Variants in FAM161A observed in about 807,000 individuals in gnomAD.
The protein encoded by FAM161A is protein FAM161A.
Under a neutral mutation model 70.9 loss-of-function variants are expected in FAM161A, and 57 were observed. That is an observed-to-expected ratio of 0.80 (90% CI 0.65 to 1.00). The LOEUF (loss-of-function observed/expected upper bound fraction) is 1.00, where lower values mean the gene tolerates loss of function less well. Ranked by LOEUF, FAM161A falls within the 50% of genes least tolerant of loss-of-function variation. The probability of loss-of-function intolerance (pLI) is 0.00; values close to 1 mark genes in which losing one functional copy is unlikely to be tolerated. For synonymous variants in FAM161A, 299 were observed against 295.7 expected, an observed-to-expected ratio of 1.01 and a Z score of -0.12; for missense variants, 880 against 836.0, an observed-to-expected ratio of 1.05 and a Z score of -0.65.
Position 61,839,490 on chromosome 2 carries a change from T to C in FAM161A, c.1514A>G (p.Asn505Ser), listed in dbSNP as rs541823159. The C allele has an allele frequency of 4.3e-6, 7 of 1,614,128 alleles. 1 individual carries two copies. The African/African-American group carries it at 8.0e-5, about 18-fold the overall frequency. The change falls in exon 3 of 7, where the codon AAC (asparagine) becomes AGC (serine). Residue 505 changes from asparagine (N) to serine (S), a missense_variant. By Grantham distance (46) the Asn-to-Ser change is conservative. Transcript: ENST00000404929. ...AGGGTTGCAGTTACAAGGCACAGGGTTTACACCTGCACATCTTACTGGTGA... is the reference window on the plus strand; with the variant it reads ...AGGGTTGCAGTTACAAGGCACAGGGCTTACACCTGCACATCTTACTGGTGA... Reference protein sequence around the residue: ...RKSPVRCAGVNPVPCNCNPPV... With the variant: ...RKSPVRCAGVSPVPCNCNPPV...
chr2:61,840,055 C>A lies in FAM161A; in HGVS notation c.949G>T (p.Ala317Ser), dbSNP rs774677899. Residue 317 changes from alanine to serine, a missense_variant, in exon 3 of 7, where the codon GCT becomes TCT. Physicochemically the swap from Ala to Ser is moderately conservative, Grantham distance 99. Transcript: ENST00000404929. Reference protein sequence around the residue: ...RRSLKEKSKEALLASQKPFKF... With the variant: ...RRSLKEKSKESLLASQKPFKF... Reference sequence around the variant, plus strand: ...AATGGCTTTTGTGAGGCCAAAAGAGCTTCTTTGCTTTTCTCCTTCAGAGAC... The same window carrying A: ...AATGGCTTTTGTGAGGCCAAAAGAGATTCTTTGCTTTTCTCCTTCAGAGAC... 6.2e-7 allele frequency: 1 copy of A among 1,614,184 alleles called. No homozygotes were observed. Among genetic ancestry groups the A allele is most frequent in the South Asian group, 1.1e-5 (1 of 91,084 alleles).
At chr2:61,851,402 TCTCAGCTCACTGCAAC>T (rs765869224) in intron 1 of FAM161A, among the ~76,000 whole-genome samples, 2 of 152,182 alleles carry the variant, frequency 1.3e-5, no homozygotes, top group Non-Finnish European at 2.9e-5. Flanking sequence ...AGTTTTTGCA[TCTCAGCTCACTGCAAC>T]CTCCGCCTCC....
At chr2:61,800,719 A>AC in the FAM161A span, among the ~76,000 whole-genome samples, 1 of 152,214 alleles carries the variant, frequency 6.6e-6, no homozygotes, top group Non-Finnish European at 1.5e-5. Context: ...AGTAAATACA[A>AC]TGGGAAAATG....
At chr2:61,843,138 TTTTGTTTG>T (rs138005103) in intron 1 of FAM161A, among the ~76,000 whole-genome samples, 175 of 151,746 alleles carry the variant, frequency 1.2e-3, no homozygotes, top group Non-Finnish European at 1.9e-3. Context: ...CTTTCAGTTT[TTTTGTTTG>T]TTTGTTTGTT....
chr2:61,843,013 AC>A (rs1490489982), intron 1 of FAM161A, among the ~76,000 whole-genome samples: 1 of 152,204 alleles, frequency 6.6e-6, no homozygotes, highest in East Asian at 1.9e-4. Context: ...CCCATGGGTG[AC>A]CGGGACTTTA....
At chr2:61,833,812 T>C (rs934206907) in intron 5 of FAM161A, among the ~76,000 whole-genome samples, 4 of 152,068 alleles carry the variant, frequency 2.6e-5, no homozygotes, top group Non-Finnish European at 5.9e-5. Flanking sequence ...GGAGGATCAC[T>C]TGAGGCCAGG....
the FAM161A span, among the ~76,000 whole-genome samples, chr2:61,805,831 G>A: frequency 1.3e-5 from 2 of 151,978 alleles, no homozygotes; most frequent in African/African-American, 4.8e-5. Context: ...TTTATTGCTA[G>A]GTTTTTTTTT....
At chr2:61,814,014 T>G in the FAM161A span, among the ~76,000 whole-genome samples, 10 of 152,196 alleles carry the variant, frequency 6.6e-5, no homozygotes, top group Admixed American at 6.5e-4. Context: ...GCTGCCACTC[T>G]CAGAGTGAGG....
the FAM161A span, among the ~76,000 whole-genome samples, chr2:61,816,683 C>A: frequency 6.6e-6 from 1 of 152,252 alleles, no homozygotes; most frequent in Non-Finnish European, 1.5e-5. Flanking sequence ...GTTGCCCAGG[C>A]TGGTCTCGAA....
chr2:61,834,063 G>C (rs776650548), intron 5 of FAM161A, among the ~76,000 whole-genome samples: 1 of 152,232 alleles, frequency 6.6e-6, no homozygotes, highest in South Asian at 2.1e-4. Context: ...ACAATAACAA[G>C]TGCTGATGCT....
At chr2:61,817,146 C>T in the FAM161A span, among the ~76,000 whole-genome samples, 4 of 152,182 alleles carry the variant, frequency 2.6e-5, no homozygotes, top group East Asian at 3.8e-4. Flanking sequence ...AAGTGCCACG[C>T]GGGGACAGGG....
chr2:61,802,573 A>C, the FAM161A span, among the ~76,000 whole-genome samples: 3 of 152,212 alleles, frequency 2.0e-5, no homozygotes, highest in Non-Finnish European at 4.4e-5. Flanking sequence ...GTCAAAAAGA[A>C]ATAGAAGTAA....
chr2:61,836,263 TCA>T (rs1672771265), intron 4 of FAM161A, 154 bp from the exon 5 acceptor site: 2 of 658,148 alleles, frequency 3.0e-6, no homozygotes, highest in Non-Finnish European at 5.4e-6. Flanking sequence ...TAAGCACAGT[TCA>T]CAGTTTACCT....
chr2:61,835,301 A>G (rs1283003978), intron 5 of FAM161A, among the ~76,000 whole-genome samples: 1 of 152,234 alleles, frequency 6.6e-6, no homozygotes, highest in Non-Finnish European at 1.5e-5. Context: ...CTATGGGACA[A>G]AGGAGAAGAT....
At chr2:61,850,502 A>G (rs1244518215) in intron 1 of FAM161A, among the ~76,000 whole-genome samples, 1 of 152,172 alleles carries the variant, frequency 6.6e-6, no homozygotes, top group South Asian at 2.1e-4. Flanking sequence ...CTATAATCCC[A>G]GCACTTTTGG....
intron 2 of FAM161A, 38 bp downstream of exon 2, chr2:61,842,084 T>C: frequency 7.9e-7 from 1 of 1,269,392 alleles, no homozygotes; most frequent in Non-Finnish European, 1.2e-6. Flanking sequence ...ATACATTTTA[T>C]TTTATACTCC....
Position 61,845,594 on chromosome 2 carries a change from G to C in FAM161A, c.184-3234C>G, listed in dbSNP as rs542089430. ...TCCCAGCACTTTGGGAGGCTGCAGT[G>C]GGAGGACTGCTTGAGGCCAGGAGTT... On this transcript the variant is annotated intron_variant, in intron 1 of 6. Transcript: ENST00000404929. Among the ~76,000 whole-genome samples the C allele has an allele frequency of 4.6e-5, 7 of 152,210 alleles. 1 individual carries two copies. Among genetic ancestry groups the C allele is most frequent in the African/African-American group, 1.7e-4 (7 of 41,536 alleles).
rs1373499000 is a variant in FAM161A at position 61,825,630 on chromosome 2, T to G, written c.*825A>C. The G allele has an allele frequency of 2.3e-6, 1 of 436,006 alleles. No individual in the cohort carries two copies. Among genetic ancestry groups the G allele is most frequent in the Admixed American group, 2.7e-5 (1 of 37,500 alleles). 27.0% of individuals were successfully genotyped at this position (436,006 alleles called of 1,614,324 possible). ...AATGTAAATTTGCAAGTATCCATTT[T>G]TTTCTATACTTTTTTTTTTTTTTTG... On this transcript the variant is annotated 3_prime_UTR_variant, in exon 7 of 7. Coordinates refer to ENST00000404929, the MANE Select transcript of FAM161A (RefSeq NM_001201543.2).
chr2:61,820,370 G>A (rs1665432718), downstream of FAM161A: 1 of 756,134 alleles, frequency 1.3e-6, no homozygotes, highest in Non-Finnish European at 2.4e-6. Flanking sequence ...AGGGGCTTTG[G>A]GTTTGTCACC....
Sources: gnomAD v4.1 joint callset for allele counts (sites outside exome capture counted in the v4.1 genomes callset) on GRCh38, gnomAD v4.1.1 for gene constraint, MANE v1.5 for transcripts, NCBI Gene and HGNC (gene_info 2026-07-23, HGNC 2026-07-21) for gene names.